INPP4A: variants seen among roughly 807,000 people sequenced by gnomAD.
INPP4A encodes inositol polyphosphate-4-phosphatase, type I, 107kD.
In INPP4A, 33 loss-of-function variants were observed where a neutral mutation model predicts 119.8. The ratio of observed to expected loss-of-function variants is 0.28; its 90% CI spans 0.21 to 0.37. INPP4A has a LOEUF of 0.37. Among genes scored for constraint, INPP4A ranks in the 10% least tolerant of loss-of-function variants. INPP4A has a pLI of 1.00. For synonymous variants in INPP4A, 496 were observed against 500.7 expected (o/e 0.99, Z 0.12); for missense variants, 956 against 1,289.9 (o/e 0.74, Z 3.97).
rs1697256991 is a variant in INPP4A at position 98,570,535 on chromosome 2, C to A, written c.2518+1867C>A. 6.6e-6 allele frequency among the ~76,000 whole-genome samples: 1 copy of A among 152,118 alleles called. No individual in the cohort carries two copies. The highest frequency in any genetic ancestry group is 1.5e-5 in the Non-Finnish European group (1 of 68,016). ...GAAATGGTGCTGCCCTGGAATGGAC[C>A]ACTTTGTCCCAAAGACTGTCAGCAA... On this transcript the variant is annotated intron_variant, in intron 22 of 24. Coordinates refer to ENST00000409851, the MANE Select transcript of INPP4A (RefSeq NM_001134225.2). The surrounding 1 kb of genome is among the most constrained non-coding windows in gnomAD (Gnocchi z 4.3).
rs1241900844 is a variant in INPP4A at position 98,520,146 on chromosome 2, C to G, written c.98C>G (p.Ser33Cys). 1 of 1,557,106 alleles carries G rather than the reference C, an allele frequency of 6.4e-7. No individual in the cohort carries two copies. The highest frequency in any genetic ancestry group is 1.4e-5 in the African/African-American group (1 of 73,388). The change falls in exon 3 of 25, where the codon TCT becomes TGT. Residue 33 changes from serine (S) to cysteine (C), a missense_variant. Ser to Cys is a moderately radical substitution (Grantham distance 112, BLOSUM62 -1). Transcript: ENST00000409851. The part of the protein sequence containing the change: ...IDVAADMLGL[S>C]LAGNIQDPDE... ...GTGGCGGCCGACATGCTGGGCCTCT[C>G]TCTGGCAGGTGAGCCTCACAGGGCC...
intron 1 of INPP4A, among the ~76,000 whole-genome samples, chr2:98,482,370 C>T (rs1043946407): frequency 1.3e-5 from 2 of 152,218 alleles, no homozygotes; most frequent in Non-Finnish European, 2.9e-5. Context: ...CTTATTGGCA[C>T]CAGTCAGAGC....
intron 16 of INPP4A, 47 bp downstream of exon 16, chr2:98,555,855 G>T (rs1213308390): frequency 2.0e-6 from 3 of 1,513,598 alleles, no homozygotes; most frequent in Admixed American, 4.0e-5. Context: ...ATTTCACCTT[G>T]TGCTGCTTCC....
At chr2:98,585,021 T>C (rs1039740797) in intron 24 of INPP4A, among the ~76,000 whole-genome samples, 2 of 152,250 alleles carry the variant, frequency 1.3e-5, no homozygotes, top group African/African-American at 2.4e-5. Flanking sequence ...CAGCCAGCTC[T>C]AGGTGTTCAG....
intron 23 of INPP4A, among the ~76,000 whole-genome samples, 175 bp downstream of exon 23, chr2:98,573,102 C>G (rs1697773766): frequency 6.6e-6 from 1 of 152,160 alleles, no homozygotes; most frequent in Non-Finnish European, 1.5e-5. Flanking sequence ...TCACAGAGTC[C>G]ATTCCTTTGG....
chr2:98,545,391 C>T lies in INPP4A; in HGVS notation c.950-578C>T, dbSNP rs111830428. On this transcript the variant is annotated intron_variant, in intron 11 of 24. Transcript: ENST00000409851. ...CGTCCAGGCTCCTTAACCAACCAGG[C>T]GTAAACAGGGAAACATTGTATTTTG... Among the ~76,000 whole-genome samples, 668 of 152,236 alleles carry T rather than the reference C, an allele frequency of 4.4e-3. 10 individuals carry two copies. Among genetic ancestry groups the T allele is most frequent in the African/African-American group, 0.016 (646 of 41,538 alleles).
intron 8 of INPP4A, 66 bp from the exon 9 acceptor site, chr2:98,538,825 C>G (rs1329531158): frequency 1.1e-6 from 1 of 897,340 alleles, no homozygotes; most frequent in Non-Finnish European, 1.8e-6. Context: ...GCCACTGTTT[C>G]TGCTGAATGT....
At position 98,567,793 on chromosome 2, in the gene INPP4A, G is replaced by A. The variant is rs528603595; in HGVS notation, c.2421-778G>A. 2.8e-4 allele frequency among the ~76,000 whole-genome samples: 42 copies of A among 152,344 alleles called. 1 individual carries two copies. The South Asian group carries it at 8.1e-3, about 29-fold the overall frequency. ...CCCAGAGTCAGGGATGGCCCCCAAGGGAGCAGGCGTCTAGAGAAAAGGCCA... is the reference window on the plus strand; with the variant it reads ...CCCAGAGTCAGGGATGGCCCCCAAGAGAGCAGGCGTCTAGAGAAAAGGCCA... On this transcript the variant is annotated intron_variant, in intron 21 of 24. Transcript: ENST00000409851.
At position 98,566,204 on chromosome 2, in the gene INPP4A, G is replaced by T. The variant is rs540222652; in HGVS notation, c.2420+35G>T. 1.9e-6 allele frequency: 3 copies of T among 1,547,344 alleles called. No individual in the cohort carries two copies. The highest frequency in any genetic ancestry group is 1.7e-6 in the Non-Finnish European group (2 of 1,142,956). On this transcript the variant is annotated intron_variant, in intron 21 of 24. Transcript: ENST00000409851. The surrounding 1 kb of genome is among the most constrained non-coding windows in gnomAD (Gnocchi z 4.2). ...GGCTCCTCGGGGCTGCGGGGGTGTG[G>T]TGGCCCTGGAGATGATGCAGAAAAC...
intron 9 of INPP4A, 63 bp downstream of exon 9, chr2:98,539,044 C>G: frequency 1.2e-6 from 1 of 838,504 alleles, no homozygotes; most frequent in Non-Finnish European, 1.9e-6. Flanking sequence ...GGCCCGCAGT[C>G]CCCTTTGCTC....
intron 4 of INPP4A, among the ~76,000 whole-genome samples, chr2:98,522,465 G>A (rs1254407794): frequency 6.6e-6 from 1 of 151,988 alleles, no homozygotes. Context: ...AAGTTTGGAA[G>A]TTAGTCAAGG....
intron 1 of INPP4A, among the ~76,000 whole-genome samples, chr2:98,446,254 G>T (rs1419396219): frequency 6.6e-6 from 1 of 152,344 alleles, no homozygotes; most frequent in South Asian, 2.1e-4. Flanking sequence ...CTAGAATTGA[G>T]CCTAATTTTT....
rs923075868 is a variant in INPP4A at position 98,577,338 on chromosome 2, TG to T, written c.2786+201del. On this transcript the variant is annotated intron_variant, in intron 24 of 24. Transcript: ENST00000409851. ...GACAGGGTTCTCTTGTAAGGTAAGG[TG>T]GGGGGTAACAGCTAGCAGGACTTTC... 1.1e-4 allele frequency among the ~76,000 whole-genome samples: 17 copies of T among 152,030 alleles called. No individual in the cohort carries two copies. The South Asian group carries it at 2.9e-3, about 26-fold the overall frequency.
Position 98,546,271 on chromosome 2 carries a change from T to C in INPP4A, c.1054+198T>C, listed in dbSNP as rs572024431. ...TCCTTTTGTCTCTCCTCACTCTAGCTTCCCTTTGTATTTCTGCAGTAGAAA... is the reference window on the plus strand; with the variant it reads ...TCCTTTTGTCTCTCCTCACTCTAGCCTCCCTTTGTATTTCTGCAGTAGAAA... On this transcript the variant is annotated intron_variant, in intron 12 of 24. Coordinates refer to ENST00000409851, the MANE Select transcript of INPP4A (RefSeq NM_001134225.2). The surrounding 1 kb of genome is among the most constrained non-coding windows in gnomAD (Gnocchi z 4.2). 6.6e-6 allele frequency among the ~76,000 whole-genome samples: 1 copy of C among 152,240 alleles called. No homozygotes were observed. The highest frequency in any genetic ancestry group is 2.4e-5 in the African/African-American group (1 of 41,474).
intron 18 of INPP4A, among the ~76,000 whole-genome samples, chr2:98,563,973 G>A (rs966105337): frequency 1.3e-5 from 2 of 149,428 alleles, no homozygotes; most frequent in African/African-American, 4.9e-5. Flanking sequence ...GAGGTTGAGT[G>A]AGGGCAACAC....
At chr2:98,476,787 C>T (rs1205083708) in intron 1 of INPP4A, among the ~76,000 whole-genome samples, 3 of 152,322 alleles carry the variant, frequency 2.0e-5, no homozygotes, top group South Asian at 2.1e-4. Flanking sequence ...CCCTCCAGCC[C>T]GTTCTCTTCC....
Position 98,577,152 on chromosome 2 carries a change from C to T in INPP4A, c.2786+9C>T, listed in dbSNP as rs775510585. On this transcript the variant is annotated intron_variant, in intron 24 of 24. Coordinates refer to ENST00000409851, the MANE Select transcript of INPP4A (RefSeq NM_001134225.2). Reference sequence around the variant, plus strand: ...CTGGAGTGCATGCGCAGGTGAGTGCCGCAGCCAGGCCGCGCGCCCCGCCTG... The same window carrying T: ...CTGGAGTGCATGCGCAGGTGAGTGCTGCAGCCAGGCCGCGCGCCCCGCCTG... The T allele has an allele frequency of 2.1e-5, 34 of 1,593,314 alleles. No individual in the cohort carries two copies. The East Asian group carries it at 4.1e-4, about 19-fold the overall frequency.
intron 24 of INPP4A, among the ~76,000 whole-genome samples, chr2:98,577,997 G>A (rs904832551): frequency 5.3e-5 from 8 of 152,088 alleles, no homozygotes; most frequent in South Asian, 4.1e-4. Context: ...TGTTTCTGCC[G>A]TTTGACCTTC....
intron 1 of INPP4A, among the ~76,000 whole-genome samples, chr2:98,488,934 A>ACT (rs1558931485): frequency 8.2e-6 from 1 of 122,088 alleles, no homozygotes; most frequent in African/African-American, 3.2e-5. Context: ...GAGTACATGC[A>ACT]CTGTGTGTGT....
Sources: allele counts gnomAD v4.1 joint callset (sites outside exome capture counted in the v4.1 genomes callset), GRCh38; gene constraint gnomAD v4.1.1; non-coding constraint Gnocchi (gnomAD v3.1); transcripts MANE v1.5; gene names NCBI Gene and HGNC (gene_info 2026-07-23, HGNC 2026-07-21).